The following SEL1L2 variants were observed in gnomAD, a reference collection of about 807,000 sequenced individuals.
SEL1L2 encodes the protein SEL1L2 adaptor subunit of SYVN1 ubiquitin ligase.
In SEL1L2, 89 loss-of-function variants were observed where a neutral mutation model predicts 98.8. That is an observed-to-expected ratio of 0.90 (90% confidence interval 0.76 to 1.07). The LOEUF is 1.07. Ranked by LOEUF, SEL1L2 falls within the 50% of genes least tolerant of loss-of-function variation. The pLI, the probability that SEL1L2 is intolerant of heterozygous loss-of-function variation, is 0.00. For missense variants in SEL1L2, 788 were observed against 812.0 expected (o/e 0.97, Z 0.36); for synonymous variants, 262 against 278.5 (o/e 0.94, Z 0.59).
intron 2 of SEL1L2, among the ~76,000 whole-genome samples, chr20:13,951,296 A>AAAAG (rs1555894196): frequency 6.4e-4 from 8 of 12,510 alleles, no homozygotes; most frequent in Non-Finnish European, 8.5e-4. Flanking sequence ...AAAAAAAAAA[A>AAAAG]AAAGAAAGAA....
At chr20:13,959,605 C>T (rs2050693147) in intron 1 of SEL1L2, among the ~76,000 whole-genome samples, 2 of 152,206 alleles carry the variant, frequency 1.3e-5, no homozygotes. Context: ...TTCACCTGAC[C>T]TGTCGCCAAC....
intron 1 of SEL1L2, among the ~76,000 whole-genome samples, chr20:13,962,882 G>A (rs923715904): frequency 6.6e-6 from 1 of 152,002 alleles, no homozygotes; most frequent in Admixed American, 6.6e-5. Flanking sequence ...TGGCCAACAT[G>A]GTGAAATCCC....
chr20:13,957,249 C>A (rs1047196164), intron 1 of SEL1L2, among the ~76,000 whole-genome samples: 1 of 152,098 alleles, frequency 6.6e-6, no homozygotes, highest in South Asian at 2.1e-4. Flanking sequence ...TACAGACATG[C>A]ACCACTGCCC....
chr20:13,984,709 CCTCTT>C (rs2052065154), intron 1 of SEL1L2, among the ~76,000 whole-genome samples: 1 of 151,616 alleles, frequency 6.6e-6, no homozygotes, highest in African/African-American at 2.4e-5. Flanking sequence ...ACCCTCCTCT[CCTCTT>C]CTTTCCTTTT....
At chr20:13,914,025 C>A (rs2048306699) in intron 4 of SEL1L2, 81 bp from the exon 5 acceptor site, 1 of 1,235,298 alleles carries the variant, frequency 8.1e-7, no homozygotes, top group Non-Finnish European at 1.1e-6. Flanking sequence ...CATACTACTT[C>A]TCTCTAACAA....
chr20:13,863,793 A>G (rs1311268908), intron 17 of SEL1L2, among the ~76,000 whole-genome samples: 2 of 152,104 alleles, frequency 1.3e-5, no homozygotes, highest in East Asian at 3.9e-4. Context: ...CACATGGTGA[A>G]ATCCCGTCTC....
intron 17 of SEL1L2, among the ~76,000 whole-genome samples, chr20:13,859,848 C>T (rs187808516): frequency 5.1e-4 from 77 of 152,206 alleles, no homozygotes; most frequent in African/African-American, 1.7e-3. Flanking sequence ...TCCAGGCGCC[C>T]GCCACCATGC....
chr20:13,855,867 G>C (rs1989078194), intron 18 of SEL1L2, among the ~76,000 whole-genome samples: 1 of 152,236 alleles, frequency 6.6e-6, no homozygotes, highest in Non-Finnish European at 1.5e-5. Flanking sequence ...TCTTTGACTA[G>C]GCAGGTGCAC....
Position 13,885,362 on chromosome 20 carries a change from T to C in SEL1L2, c.942A>G (p.Leu314=). Residue 314 remains leucine (L), a synonymous_variant, in exon 10 of 20, where the codon CTA becomes CTG. Coordinates refer to ENST00000284951, the MANE Select transcript of SEL1L2 (RefSeq NM_025229.2). The stretch of plus-strand genomic sequence containing the variant: ...ATTGACTTACGTAGTAATCCTGATC[T>C]AGACCTTTCCTGCCAATTAGATGTA... ...GQLHLIGRKG[L]DQDYYKALHY... is the part of the protein sequence containing the mutation. 6.2e-7 allele frequency: 1 copy of C among 1,604,744 alleles called. No homozygotes were observed. The highest frequency in any genetic ancestry group is 8.5e-7 in the Non-Finnish European group (1 of 1,171,472).
intron 17 of SEL1L2, among the ~76,000 whole-genome samples, chr20:13,859,694 GTTGT>G (rs773828561): frequency 1.1e-4 from 17 of 152,184 alleles, no homozygotes; most frequent in Admixed American, 2.0e-4. Flanking sequence ...TGTTGTTGTT[GTTGT>G]TTGTTTGTTT....
At chr20:13,861,614 T>C (rs2147784349) in intron 17 of SEL1L2, among the ~76,000 whole-genome samples, 1 of 152,322 alleles carries the variant, frequency 6.6e-6, no homozygotes, top group African/African-American at 2.4e-5. Context: ...TTTAGAATAT[T>C]TTAATCGCTC....
chr20:13,939,677 T>A (rs142311588), intron 2 of SEL1L2, among the ~76,000 whole-genome samples: 3 of 100,782 alleles, frequency 3.0e-5, no homozygotes, highest in African/African-American at 9.9e-5. Context: ...TTTTTTTTTT[T>A]TTTTTTGAGA....
At chr20:13,991,034 A>G (rs1004588219), upstream of SEL1L2, among the ~76,000 whole-genome samples, 6 of 152,204 alleles carry the variant, frequency 3.9e-5, no homozygotes, top group African/African-American at 1.4e-4. Context: ...TCTGGATGAA[A>G]ATCTTTATCC....
chr20:13,914,727 G>A, intron 4 of SEL1L2, among the ~76,000 whole-genome samples: 1 of 152,214 alleles, frequency 6.6e-6, no homozygotes, highest in Admixed American at 6.5e-5. Context: ...TAAGCACTCA[G>A]TAAATTTAGC....
chr20:13,957,260 C>A (rs1018194486), intron 1 of SEL1L2, among the ~76,000 whole-genome samples: 1 of 152,020 alleles, frequency 6.6e-6, no homozygotes, highest in Non-Finnish European at 1.5e-5. Flanking sequence ...ACCACTGCCC[C>A]CAGCTAATTT....
In SEL1L2 at chr20:13,953,164, T is replaced by C. The variant is rs148418839; in HGVS notation, c.114+2912A>G. ...TATGCTGGCAAAAGGGTAAAAGTTTTTTTTACAGTCGGGCTTTTGGCCTCC... is the reference window on the plus strand; with the variant it reads ...TATGCTGGCAAAAGGGTAAAAGTTTCTTTTACAGTCGGGCTTTTGGCCTCC... On this transcript the variant is annotated intron_variant, in intron 2 of 19. Transcript: ENST00000284951. Among the ~76,000 whole-genome samples the C allele has an allele frequency of 6.2e-3, 951 of 152,306 alleles. 9 individuals carry two copies. The highest frequency in any genetic ancestry group is 0.021 in the African/African-American group (883 of 41,552).
Position 13,886,408 on chromosome 20 carries a change from T to A in SEL1L2, c.780A>T (p.Pro260=). ...TTTCCGTTAGTCTCACTTTTTCCAC[T>A]GGAACACCTTCACTTTTTTCAAATG... ...ADTFEKSEGV[P]VEKVRLTERP... Residue 260 remains proline (P), a synonymous_variant, in exon 9 of 20, where the codon CCA becomes CCT. Transcript: ENST00000284951. 6.2e-7 allele frequency: 1 copy of A among 1,613,976 alleles called. No individual in the cohort carries two copies. The highest frequency in any genetic ancestry group is 8.5e-7 in the Non-Finnish European group (1 of 1,179,992).
chr20:13,879,614 T>C (rs12625512), intron 10 of SEL1L2, among the ~76,000 whole-genome samples: 15,365 of 152,068 alleles, frequency 0.1, 882 homozygotes, highest in East Asian at 0.2. Context: ...CGACCTCCCA[T>C]AGTGCTGGGA....
chr20:13,898,605 A>G (rs1568926551), intron 5 of SEL1L2, among the ~76,000 whole-genome samples: 1 of 152,162 alleles, frequency 6.6e-6, no homozygotes, highest in Non-Finnish European at 1.5e-5. Flanking sequence ...GCTAGTCTCA[A>G]TTCTCATCAG....
Sources: gnomAD v4.1 joint callset for allele counts (sites outside exome capture counted in the v4.1 genomes callset) on GRCh38, gnomAD v4.1.1 for gene constraint, MANE v1.5 for transcripts, NCBI Gene and HGNC (gene_info 2026-07-23, HGNC 2026-07-21) for gene names.